RIMS2: variants seen among roughly 807,000 people sequenced by gnomAD.
RIMS2 encodes the protein regulating synaptic membrane exocytosis protein 2.
RIMS2 carries 59 observed loss-of-function variants against 174.4 expected under a neutral mutation model. That is an observed-to-expected ratio of 0.34 (90% CI 0.27 to 0.42). The LOEUF (loss-of-function observed/expected upper bound fraction) is 0.42, where lower values mean the gene tolerates loss of function less well. Ranked by LOEUF, RIMS2 falls within the 10% of genes least tolerant of loss-of-function variation. RIMS2 has a pLI of 1.00. For missense variants in RIMS2, 1,620 were observed against 1,666.3 expected (o/e 0.97, Z 0.48); for synonymous variants, 606 against 572.5 (o/e 1.06, Z -0.84).
At chr8:103,547,033 A>G (rs1227549349) in intron 1 of RIMS2, among the ~76,000 whole-genome samples, 1 of 152,160 alleles carries the variant, frequency 6.6e-6, no homozygotes, top group Non-Finnish European at 1.5e-5. Flanking sequence ...GTAAACTCCC[A>G]TGGAAAGTGT....
At position 104,213,928 on chromosome 8, in the gene RIMS2, C is replaced by T. The variant is rs149767597; in HGVS notation, c.3335-30988C>T. The stretch of plus-strand genomic sequence containing the variant: ...GAAGAAGAAGAAGAAGAGAAATAAC[C>T]GCAAATAGAATAGCTTTGGGGTTTG... On this transcript the variant is annotated intron_variant, in intron 19 of 23. Transcript: ENST00000504942. Among the ~76,000 whole-genome samples the T allele has an allele frequency of 3.1e-3, 466 of 151,122 alleles. 3 individuals carry two copies. Among genetic ancestry groups the T allele is most frequent in the Middle Eastern group, 0.01 (3 of 294 alleles).
chr8:104,197,284 C>T (rs1460880666), intron 19 of RIMS2, among the ~76,000 whole-genome samples: 1 of 151,568 alleles, frequency 6.6e-6, no homozygotes, highest in Non-Finnish European at 1.5e-5. Context: ...CTTGCAATTC[C>T]TGTGCCTCAG....
intron 19 of RIMS2, among the ~76,000 whole-genome samples, chr8:104,158,560 A>G (rs1000256419): frequency 6.6e-6 from 1 of 151,990 alleles, no homozygotes; most frequent in Non-Finnish European, 1.5e-5. Context: ...CCAGCATCTG[A>G]TATTTCCTGA....
chr8:104,066,314 C>T (rs187222279), intron 19 of RIMS2, among the ~76,000 whole-genome samples: 1 of 152,058 alleles, frequency 6.6e-6, no homozygotes, highest in East Asian at 1.9e-4. Context: ...ATGTTGCCAT[C>T]CAGAAAATAG....
intron 19 of RIMS2, among the ~76,000 whole-genome samples, chr8:104,159,938 A>C (rs2098750834): frequency 6.6e-6 from 1 of 152,176 alleles, no homozygotes; most frequent in Admixed American, 6.5e-5. Context: ...CAGGAGTTCA[A>C]GAGCAGTCTA....
intron 2 of RIMS2, among the ~76,000 whole-genome samples, chr8:103,723,275 A>T (rs943091863): frequency 1.3e-5 from 2 of 152,354 alleles, no homozygotes; most frequent in East Asian, 1.9e-4. Flanking sequence ...TTCTCTGATT[A>T]TTCACGATCT....
At chr8:103,789,875 C>T (rs1478248749) in intron 3 of RIMS2, among the ~76,000 whole-genome samples, 2 of 151,248 alleles carry the variant, frequency 1.3e-5, no homozygotes, top group African/African-American at 2.4e-5. Flanking sequence ...TCCTCAGCGT[C>T]CCAAATAGCT....
chr8:103,804,494 T>G (rs778437080), intron 3 of RIMS2, among the ~76,000 whole-genome samples: 2 of 152,206 alleles, frequency 1.3e-5, no homozygotes, highest in Non-Finnish European at 2.9e-5. Flanking sequence ...TATGGAACAC[T>G]CAGCTTCCTT....
At position 104,002,815 on chromosome 8, in the gene RIMS2, G is replaced by T. The variant is rs891567930; in HGVS notation, c.3045-10627G>T. Among the ~76,000 whole-genome samples, 5 of 152,080 alleles carry T rather than the reference G, an allele frequency of 3.3e-5. No homozygotes were observed. In the South Asian group the frequency reaches 1.0e-3, roughly 32 times the overall value. On this transcript the variant is annotated intron_variant, in intron 17 of 23. Transcript: ENST00000504942. ...AAAGTTATGAGGACTACCTCTTTGG[G>T]AACAGGAGAGTAGAGACTTAAATAA...
chr8:103,706,824 C>T (rs2097236184), intron 2 of RIMS2, among the ~76,000 whole-genome samples: 1 of 151,970 alleles, frequency 6.6e-6, no homozygotes, highest in Admixed American at 6.6e-5. Flanking sequence ...CCTGTATATC[C>T]ATCTTTCTCT....
exon 14 of RIMS2, chr8:103,942,913 A>G (rs1388103406): frequency 1.2e-6 from 2 of 1,605,190 alleles, no homozygotes; most frequent in Non-Finnish European, 1.7e-6. Context: ...AGAGCCCAAC[A>G]CGGAGGTTGC....
chr8:103,615,330 T>G (rs1220457971), intron 1 of RIMS2, among the ~76,000 whole-genome samples: 1 of 152,134 alleles, frequency 6.6e-6, no homozygotes, highest in Non-Finnish European at 1.5e-5. Context: ...TTGAAAATAA[T>G]GAGAACAAAG....
At chr8:103,788,877 C>T (rs1213546582) in intron 3 of RIMS2, among the ~76,000 whole-genome samples, 1 of 152,150 alleles carries the variant, frequency 6.6e-6, no homozygotes, top group African/African-American at 2.4e-5. Context: ...AGCCTCGCCG[C>T]CGCCTTGCAG....
intron 19 of RIMS2, among the ~76,000 whole-genome samples, chr8:104,055,771 A>G (rs1460991976): frequency 6.6e-6 from 1 of 152,202 alleles, no homozygotes; most frequent in African/African-American, 2.4e-5. Context: ...CCTTCTACAT[A>G]AGAGCAGTCT....
intron 19 of RIMS2, among the ~76,000 whole-genome samples, chr8:104,114,571 T>C (rs1260971657): frequency 6.6e-6 from 1 of 152,008 alleles, no homozygotes; most frequent in Non-Finnish European, 1.5e-5. Flanking sequence ...ATCTTTCCAT[T>C]GTATTAAATA....
chr8:103,683,993 G>A (rs1235351483), intron 1 of RIMS2, among the ~76,000 whole-genome samples: 3 of 152,150 alleles, frequency 2.0e-5, no homozygotes, highest in Non-Finnish European at 4.4e-5. Flanking sequence ...GTAGATATAA[G>A]GACTCCTGGA....
chr8:103,748,944 G>A (rs1234429541), intron 2 of RIMS2, among the ~76,000 whole-genome samples: 1 of 151,806 alleles, frequency 6.6e-6, no homozygotes, highest in Non-Finnish European at 1.5e-5. Flanking sequence ...AGGATTACAG[G>A]CATGCACTAC....
intron 19 of RIMS2, among the ~76,000 whole-genome samples, chr8:104,063,050 G>T (rs13256899): frequency 0.25 from 37,459 of 151,760 alleles, 4,881 homozygotes; most frequent in South Asian, 0.35. Context: ...TCAGTTAGAT[G>T]TATTAAAACT....
chr8:103,931,820 A>T (rs902803412), intron 12 of RIMS2, among the ~76,000 whole-genome samples: 1 of 152,060 alleles, frequency 6.6e-6, no homozygotes, highest in African/African-American at 2.4e-5. Context: ...TCTTACCAAG[A>T]TATTATTTCT....
Sources: allele counts gnomAD v4.1 joint callset (sites outside exome capture counted in the v4.1 genomes callset), GRCh38; gene constraint gnomAD v4.1.1; transcripts MANE v1.5; gene names NCBI Gene and HGNC (gene_info 2026-07-23, HGNC 2026-07-21).